The following ZNF585B variants were observed in gnomAD, a reference collection of about 807,000 sequenced individuals.
ZNF585B encodes the protein zinc finger protein 585B, also known as zinc finger protein 41-like protein.
In ZNF585B, 7 loss-of-function variants were observed where a neutral mutation model predicts 14.0. The observed-to-expected ratio is 0.50, with a 90% CI of 0.28 to 0.94. The LOEUF is 0.94. ZNF585B is among the 40% of genes least tolerant of loss of function. The probability of loss-of-function intolerance (pLI) is 0.09; values close to 1 mark genes in which losing one functional copy is unlikely to be tolerated. For synonymous variants in ZNF585B, 290 were observed against 317.3 expected (o/e 0.91, Z 0.91); for missense variants, 750 against 924.4 (o/e 0.81, Z 2.45).
At position 37,184,500 on chromosome 19, in the gene ZNF585B, GAAAGAGAAAGAAAGAAAGAAAAAGAAA is replaced by G. The variant is rs1972308263; in HGVS notation, c.*700_*726del. 1 of 149,162 alleles carries G rather than the reference GAAAGAGAAAGAAAGAAAGAAAAAGAAA, an allele frequency of 6.7e-6. No individual in the cohort carries two copies. Among genetic ancestry groups the G allele is most frequent in the East Asian group, 2.0e-4 (1 of 5,064 alleles). 9.2% of individuals were successfully genotyped at this position (149,162 alleles called of 1,614,324 possible). On this transcript the variant is annotated 3_prime_UTR_variant, in exon 5 of 5. Transcript: ENST00000532828. ...AGAAAGAAAGAAAGAAAGAAAGAAA[GAAAGAGAAAGAAAGAAAGAAAAAGAAA>G]AAACACTGTGCTGGGTGTCAAACAC...
intron 2 of ZNF585B, among the ~76,000 whole-genome samples, chr19:37,191,357 C>G (rs1198283975): frequency 6.6e-6 from 1 of 152,120 alleles, no homozygotes; most frequent in Non-Finnish European, 1.5e-5. Context: ...GTGGCTCATG[C>G]TTGTAATCCA....
intron 4 of ZNF585B, among the ~76,000 whole-genome samples, chr19:37,188,639 A>G (rs929493569): frequency 6.6e-6 from 1 of 151,664 alleles, no homozygotes; most frequent in Non-Finnish European, 1.5e-5. Context: ...ACTATACTCC[A>G]GCCTGGGCGA....
rs1458399304 is a variant in ZNF585B at position 37,185,971 on chromosome 19, A to G, written c.1566T>C (p.Tyr522=). The part of the protein sequence containing the change: ...HQRIHTGEKP[Y]ECNTCGKAFT... ...AGGCTTTTCCACAAGTATTGCATTCATAAGGCTTCTCCCCAGTATGGATTC... is the reference window on the plus strand; with the variant it reads ...AGGCTTTTCCACAAGTATTGCATTCGTAAGGCTTCTCCCCAGTATGGATTC... The change falls in exon 5 of 5, where the codon TAT becomes TAC. Residue 522 remains tyrosine (Y), a synonymous_variant. Coordinates refer to ENST00000532828, the MANE Select transcript of ZNF585B (RefSeq NM_152279.4). 6.2e-7 allele frequency: 1 copy of G among 1,613,956 alleles called. No individual in the cohort carries two copies. The highest frequency in any genetic ancestry group is 8.5e-7 in the Non-Finnish European group (1 of 1,180,004).
intron 2 of ZNF585B, among the ~76,000 whole-genome samples, chr19:37,192,880 T>C (rs1568508745): frequency 6.6e-6 from 1 of 151,422 alleles, no homozygotes; most frequent in Non-Finnish European, 1.5e-5. Flanking sequence ...TCACGCCTAT[T>C]ATCTCAACAA....
chr19:37,199,564 CCTCA>C, intron 2 of ZNF585B: 1 of 422,146 alleles, frequency 2.4e-6, no homozygotes, highest in South Asian at 1.8e-5. Flanking sequence ...GAAGAAACCT[CCTCA>C]CTCAAAGATA....
chr19:37,195,598 T>C (rs1972457196), intron 2 of ZNF585B, among the ~76,000 whole-genome samples: 2 of 152,094 alleles, frequency 1.3e-5, no homozygotes, highest in African/African-American at 2.4e-5. Flanking sequence ...CTTATTTAGA[T>C]AAACTAAATA....
rs78557903 is a variant in ZNF585B, at chr19:37,207,249, A to G, written c.-138T>C. ...GCCCAGGGACTCCCCAGAGACACCC[A>G]AGAACCTAGAAAAACAATGTCCACG... is the stretch of plus-strand genomic sequence containing the variant. On this transcript the variant is annotated 5_prime_UTR_variant, in exon 2 of 5. Transcript: ENST00000532828. The G allele has an allele frequency of 7.3e-4, 1,073 of 1,469,636 alleles. 4 individuals are homozygous for G. The African/African-American group carries it at 0.011, about 15-fold the overall frequency. 91.0% of individuals were successfully genotyped at this position (1,469,636 alleles called of 1,614,324 possible). A position where few individuals can be genotyped will look rare whatever the true frequency, so the allele number is the denominator to read the frequency against.
chr19:37,186,883 T>A lies in ZNF585B; in HGVS notation c.654A>T (p.Glu218Asp), dbSNP rs753870787. The change falls in exon 5 of 5, where the codon GAA becomes GAT. Residue 218 changes from glutamate to aspartate, a missense_variant. This residue lies in a region of ZNF585B where 517 missense variants were observed against 570.3 expected (regional missense o/e 0.91). Coordinates refer to ENST00000532828, the MANE Select transcript of ZNF585B (RefSeq NM_152279.4). ...AGTTATAAGGGAAACCTTTCCCACATTCACTACATTCATATAGTTTTTCTC... is the reference window on the plus strand; with the variant it reads ...AGTTATAAGGGAAACCTTTCCCACAATCACTACATTCATATAGTTTTTCTC... ...HTGEKLYECS[E>D]CGKGFPYNSD... 6.3e-5 allele frequency: 102 copies of A among 1,613,738 alleles called. No individual in the cohort carries two copies. The highest frequency in any genetic ancestry group is 8.6e-5 in the Non-Finnish European group (101 of 1,179,862).
In ZNF585B at chr19:37,189,707, C is replaced by T. The variant is rs367678278; in HGVS notation, c.246G>A (p.Lys82=). ...TCTCACCCTGCAGTGCCCATGGTTC[C>T]TTTCCTTGCTCCAACATGACCACCT... ...KPEVVMLEQG[K]EPWALQGERP... is the part of the protein sequence containing the mutation. Residue 82 remains lysine, a synonymous_variant, in exon 4 of 5, where the codon AAG becomes AAA. Coordinates refer to ENST00000532828, the MANE Select transcript of ZNF585B (RefSeq NM_152279.4). 1.2e-5 allele frequency: 19 copies of T among 1,613,762 alleles called. No individual in the cohort carries two copies. The highest frequency in any genetic ancestry group is 1.5e-5 in the Non-Finnish European group (18 of 1,180,030).
intron 2 of ZNF585B, chr19:37,196,120 G>A (rs574915765): frequency 6.6e-6 from 1 of 152,242 alleles, no homozygotes; most frequent in East Asian, 1.9e-4. Context: ...AATTAACTTT[G>A]TACAGCCAGT....
At chr19:37,198,974 TAC>T (rs1490951749) in intron 2 of ZNF585B, 14 of 1,526,340 alleles carry the variant, frequency 9.2e-6, no homozygotes, top group Non-Finnish European at 1.1e-5. Context: ...ATTCAGAGAT[TAC>T]AGTTTGTCTC....
Position 37,187,255 on chromosome 19 carries a change from A to G in ZNF585B, c.293-11T>C, listed in dbSNP as rs766723603. 6.4e-6 allele frequency: 10 copies of G among 1,567,118 alleles called. No individual in the cohort carries two copies. The highest frequency in any genetic ancestry group is 7.8e-6 in the Non-Finnish European group (9 of 1,150,926). ...CCCATAATTTCTCTCCTGTTGGAGT[A>G]CATTCACAGTAAGTATAGAAAGACA... On this transcript the variant is annotated splice_polypyrimidine_tract_variant and intron_variant, in intron 4 of 4. Transcript: ENST00000532828.
rs1296806978 is a variant in ZNF585B at position 37,185,320 on chromosome 19, T to C, written c.2217A>G (p.Thr739=). The C allele has an allele frequency of 1.2e-6, 2 of 1,614,182 alleles. No individual in the cohort carries two copies. The highest frequency in any genetic ancestry group is 1.3e-5 in the African/African-American group (1 of 75,042). The stretch of plus-strand genomic sequence containing the variant: ...ACTTGTAGGGTTTGTCTCCAGTGTG[T>C]GTTGTCTGATGTTTATTCAAATTGG... ...NRSNLNKHQT[T]HTGDKPYKCG... Residue 739 remains threonine, a synonymous_variant, in exon 5 of 5, where the codon ACA becomes ACG. Transcript: ENST00000532828.
At chr19:37,188,434 C>A (rs1015362750) in intron 4 of ZNF585B, among the ~76,000 whole-genome samples, 3 of 152,024 alleles carry the variant, frequency 2.0e-5, no homozygotes, top group Non-Finnish European at 4.4e-5. Context: ...TGCAGTGAGC[C>A]GAGATCGTGC....
intron 2 of ZNF585B, among the ~76,000 whole-genome samples, chr19:37,201,559 G>A (rs575104090): frequency 1.2e-4 from 19 of 152,054 alleles, no homozygotes; most frequent in Admixed American, 5.2e-4. Flanking sequence ...ACACAGTGCC[G>A]GTGTAACATT....
At chr19:37,188,889 A>G (rs1306396947) in intron 4 of ZNF585B, among the ~76,000 whole-genome samples, 1 of 152,126 alleles carries the variant, frequency 6.6e-6, no homozygotes, top group Non-Finnish European at 1.5e-5. Flanking sequence ...TCTCATGGCC[A>G]TTACTATAGC....
chr19:37,186,855 C>G lies in ZNF585B; in HGVS notation c.682G>C (p.Asp228His). ...ECGKGFPYNS[D>H]LSIHEKIHTG... is the part of the protein sequence containing the mutation. ...TGAATTTTCTCATGTATACTGAGAT[C>G]TGAGTTATAAGGGAAACCTTTCCCA... The change falls in exon 5 of 5, where the codon GAT becomes CAT. Residue 228 changes from aspartate (D) to histidine (H), a missense_variant. Around this residue, in one of 2 missense-constraint regions of ZNF585B, gnomAD observed 517 missense variants for 570.3 expected, o/e 0.91. Coordinates refer to ENST00000532828, the MANE Select transcript of ZNF585B (RefSeq NM_152279.4). The G allele has an allele frequency of 6.2e-7, 1 of 1,613,912 alleles. No individual in the cohort carries two copies. Among genetic ancestry groups the G allele is most frequent in the Non-Finnish European group, 8.5e-7 (1 of 1,179,856 alleles).
At chr19:37,199,104 T>A (rs1244209003) in intron 2 of ZNF585B, 8 of 1,023,024 alleles carry the variant, frequency 7.8e-6, no homozygotes, top group Non-Finnish European at 1.1e-5. Flanking sequence ...TACACTTGTA[T>A]AGTCACACCC....
rs1972287347 is a variant in ZNF585B, at chr19:37,183,757, A to G, written c.*1470T>C. On this transcript the variant is annotated 3_prime_UTR_variant, in exon 5 of 5. Transcript: ENST00000532828. ...GGTGCGTGGGACGAAGATGGACACA[A>G]GTAGACAGTGAACATATGGTGGGGT... 1 of 152,300 alleles carries G rather than the reference A, an allele frequency of 6.6e-6. No individual in the cohort carries two copies. The highest frequency in any genetic ancestry group is 1.5e-5 in the Non-Finnish European group (1 of 68,038). 9.4% of individuals were successfully genotyped at this position (152,300 alleles called of 1,614,324 possible).
Sources: gnomAD v4.1 joint callset for allele counts (sites outside exome capture counted in the v4.1 genomes callset) on GRCh38, gnomAD v4.1.1 for gene constraint, gnomAD v4.1.1 regional missense constraint, MANE v1.5 for transcripts, NCBI Gene and HGNC (gene_info 2026-07-23, HGNC 2026-07-21) for gene names.